Variants in TBCD observed in about 807,000 individuals in gnomAD.
The protein encoded by TBCD is tubulin-specific chaperone D.
TBCD carries 105 observed loss-of-function variants against 169.3 expected under a neutral mutation model. The observed-to-expected ratio is 0.62, with a 90% CI of 0.53 to 0.73. TBCD has a LOEUF of 0.73. Ranked by LOEUF, TBCD falls within the 30% of genes least tolerant of loss-of-function variation. TBCD has a pLI of 0.00. For synonymous variants in TBCD, 700 were observed against 643.9 expected (o/e 1.09, Z -1.32); for missense variants, 1,444 against 1,600.1 (o/e 0.90, Z 1.66).
chr17:82,814,699 A>G (rs1598664332), intron 12 of TBCD, 141 bp from the exon 13 acceptor site: 1 of 769,438 alleles, frequency 1.3e-6, no homozygotes. Flanking sequence ...TTAAAAACTT[A>G]GGAATGGGTT....
rs749486249 is a variant in TBCD at position 82,752,202 on chromosome 17, G to C, written c.9G>C (p.Leu3=). 4.0e-5 allele frequency: 61 copies of C among 1,522,194 alleles called. No homozygotes were observed. The highest frequency in any genetic ancestry group is 4.9e-5 in the Non-Finnish European group (56 of 1,137,242). 94.3% of individuals were successfully genotyped at this position (1,522,194 alleles called of 1,614,324 possible). A position where few individuals can be genotyped will look rare whatever the true frequency, so the allele number is the denominator to read the frequency against. ...GTCCCCAGGCTGCCGAGATGGCCCT[G>C]AGCGACGAACCGGCCGCGGGCGGCC... The part of the protein sequence containing the change: MA[L]SDEPAAGGPE... The change falls in exon 1 of 39, where the codon CTG becomes CTC. Residue 3 remains leucine, a synonymous_variant. Coordinates refer to ENST00000355528, the MANE Select transcript of TBCD (RefSeq NM_005993.5).
rs1478657907 is a variant in TBCD at position 82,832,699 on chromosome 17, C to T, written c.1318+17765C>T. On this transcript the variant is annotated intron_variant, in intron 13 of 38. Coordinates refer to ENST00000355528, the MANE Select transcript of TBCD (RefSeq NM_005993.5). This position sits in a 1 kb window ranked among gnomAD's most constrained non-coding sequence, Gnocchi z 4.9. ...TGAGGGGTCGGCGAGAAGCCGGCCT[C>T]GGCTCGCCACAGTGCCACAGGATCC... 6 of 553,012 alleles carry T rather than the reference C, an allele frequency of 1.1e-5. No individual in the cohort carries two copies. The highest frequency in any genetic ancestry group is 1.9e-5 in the African/African-American group (1 of 52,888). 34.3% of individuals were successfully genotyped at this position (553,012 alleles called of 1,614,324 possible). A position where few individuals can be genotyped will look rare whatever the true frequency, so the allele number is the denominator to read the frequency against.
intron 13 of TBCD, among the ~76,000 whole-genome samples, chr17:82,862,448 G>A (rs985611673): frequency 2.6e-5 from 4 of 151,984 alleles, no homozygotes; most frequent in African/African-American, 9.7e-5. Flanking sequence ...TGGCCCAGAC[G>A]GGGGAGGTGG....
In TBCD at chr17:82,756,165, T is replaced by C. The variant is rs1272684905; in HGVS notation, c.185T>C (p.Val62Ala). Residue 62 changes from valine to alanine, a missense_variant and splice_region_variant, in exon 2 of 39, where the codon GTA (valine) becomes GCA (alanine). Coordinates refer to ENST00000355528, the MANE Select transcript of TBCD (RefSeq NM_005993.5). ...EREVALERFR[V>A]IMDKYQEQPH... is the part of the protein sequence containing the mutation. ...ATTTTCATGTTATATTTGTTTTTAG[T>C]AATAATGGACAAATACCAGGAGCAG... The C allele has an allele frequency of 1.2e-6, 2 of 1,606,764 alleles. No individual in the cohort carries two copies. The highest frequency in any genetic ancestry group is 1.7e-6 in the Non-Finnish European group (2 of 1,176,182).
chr17:82,854,026 T>C (rs1013020083), intron 13 of TBCD, among the ~76,000 whole-genome samples: 1 of 152,220 alleles, frequency 6.6e-6, no homozygotes, highest in African/African-American at 2.4e-5. Context: ...GTATTCAGCT[T>C]GTACCACGAA....
chr17:82,945,912 A>G lies in TBCD; in HGVS notation c.*3449A>G, dbSNP rs911969515. Reference sequence around the variant, plus strand: ...AGCAATAAACTGTGACCATAAAAACATAGAAAGATGGCTTATATGTGGATT... The same window carrying G: ...AGCAATAAACTGTGACCATAAAAACGTAGAAAGATGGCTTATATGTGGATT... On this transcript the variant is annotated 3_prime_UTR_variant, in exon 39 of 39. Transcript: ENST00000355528. 6.6e-6 allele frequency: 1 copy of G among 152,256 alleles called. No individual in the cohort carries two copies. The highest frequency in any genetic ancestry group is 2.4e-5 in the African/African-American group (1 of 41,462). 9.4% of individuals were successfully genotyped at this position (152,256 alleles called of 1,614,324 possible). A position where few individuals can be genotyped will look rare whatever the true frequency, so the allele number is the denominator to read the frequency against.
chr17:82,805,977 TGAC>T lies in TBCD; in HGVS notation c.1058_1060del (p.Asp353del). The T allele has an allele frequency of 6.2e-7, 1 of 1,613,750 alleles. No individual in the cohort carries two copies. Among genetic ancestry groups the T allele is most frequent in the East Asian group, 2.2e-5 (1 of 44,874 alleles). On this transcript the variant is annotated inframe_deletion, in exon 10 of 39. Coordinates refer to ENST00000355528, the MANE Select transcript of TBCD (RefSeq NM_005993.5). ...TCCTGACCGAAGATGACGACGAAGA[TGAC>T]GACGTCCCAGAGGGGGTGGAGCGTG...
chr17:82,794,591 G>A (rs1022707140), intron 7 of TBCD, among the ~76,000 whole-genome samples: 3 of 152,296 alleles, frequency 2.0e-5, no homozygotes, highest in East Asian at 1.9e-4. Flanking sequence ...ACTAGAGTGC[G>A]CTCTCTCTGG....
intron 7 of TBCD, among the ~76,000 whole-genome samples, chr17:82,793,918 G>A (rs942148286): frequency 3.9e-5 from 6 of 152,182 alleles, no homozygotes; most frequent in African/African-American, 9.7e-5. Context: ...GCAGAAAGGG[G>A]AACAGACTCG....
intron 19 of TBCD, among the ~76,000 whole-genome samples, chr17:82,905,380 A>G (rs2060170235): frequency 6.6e-6 from 1 of 152,246 alleles, no homozygotes; most frequent in Non-Finnish European, 1.5e-5. Flanking sequence ...TTGGTGTCTC[A>G]GGGGCCATCT....
At chr17:82,761,012 T>C (rs2047725030) in intron 2 of TBCD, among the ~76,000 whole-genome samples, 1 of 151,360 alleles carries the variant, frequency 6.6e-6, no homozygotes, top group Non-Finnish European at 1.5e-5. Flanking sequence ...CAGGCTGGAG[T>C]GTAATGGCGT....
At chr17:82,760,077 T>C (rs985887732) in intron 2 of TBCD, among the ~76,000 whole-genome samples, 4 of 151,832 alleles carry the variant, frequency 2.6e-5, no homozygotes, top group African/African-American at 7.3e-5. Flanking sequence ...TTTCATCATG[T>C]TGGCCAGGAT....
intron 1 of TBCD, among the ~76,000 whole-genome samples, chr17:82,755,943 C>T (rs967572328): frequency 2.0e-5 from 3 of 152,032 alleles, no homozygotes; most frequent in South Asian, 2.1e-4. Context: ...GTAAACTGCA[C>T]GAGGCTGGGC....
Position 82,928,425 on chromosome 17 carries a change from C to G in TBCD, c.2693+437C>G, listed in dbSNP as rs544092570. 8.5e-5 allele frequency among the ~76,000 whole-genome samples: 13 copies of G among 152,298 alleles called. No individual in the cohort carries two copies. The South Asian group carries it at 2.5e-3, about 29-fold the overall frequency. On this transcript the variant is annotated intron_variant, in intron 30 of 38. Transcript: ENST00000355528. The stretch of plus-strand genomic sequence containing the variant: ...ATTGGGGCCTGCCCTTGCTGTGTGT[C>G]TCTGTCGGGGGCACGGGGTTGTGGG...
chr17:82,862,612 T>A (rs2056859661), intron 13 of TBCD, among the ~76,000 whole-genome samples: 1 of 151,990 alleles, frequency 6.6e-6, no homozygotes, highest in Non-Finnish European at 1.5e-5. Context: ...AAATAAAAAA[T>A]TCAGTGAATG....
At chr17:82,803,709 C>T (rs964486337) in intron 9 of TBCD, among the ~76,000 whole-genome samples, 2 of 152,182 alleles carry the variant, frequency 1.3e-5, no homozygotes, top group East Asian at 1.9e-4. Context: ...GGCTTTAAGT[C>T]TTCCGTCCGA....
At chr17:82,850,086 C>T (rs1172608851) in intron 13 of TBCD, among the ~76,000 whole-genome samples, 1 of 64,354 alleles carries the variant, frequency 1.6e-5, no homozygotes, top group Non-Finnish European at 2.7e-5. Context: ...TGCTGTGCTG[C>T]TGTTGGCTGT....
intron 14 of TBCD, among the ~76,000 whole-genome samples, chr17:82,873,679 T>C (rs995306738): frequency 2.6e-5 from 4 of 152,148 alleles, no homozygotes; most frequent in African/African-American, 9.7e-5. Context: ...AAAATACCTA[T>C]AAAAACCTGC....
Position 82,790,469 on chromosome 17 carries a change from C to T in TBCD, c.772-7288C>T, listed in dbSNP as rs1325590313. Among the ~76,000 whole-genome samples, 4 of 152,200 alleles carry T rather than the reference C, an allele frequency of 2.6e-5. No individual in the cohort carries two copies. In the East Asian group the frequency reaches 5.8e-4, roughly 22 times the overall value. On this transcript the variant is annotated intron_variant, in intron 7 of 38. Transcript: ENST00000355528. ...GCAGGAGGGCTCAGGCTGTGGCCCA[C>T]GCCTGGGGTTCCCCATCCCCCCGTG...
Sources: allele counts gnomAD v4.1 joint callset (sites outside exome capture counted in the v4.1 genomes callset), GRCh38; gene constraint gnomAD v4.1.1; non-coding constraint Gnocchi (gnomAD v3.1); transcripts MANE v1.5; gene names NCBI Gene and HGNC (gene_info 2026-07-23, HGNC 2026-07-21).